Variants in ZMAT4 observed in about 807,000 individuals in gnomAD.
The protein encoded by ZMAT4 is zinc finger matrin-type 4.
A neutral mutation model predicts 28.7 loss-of-function variants in ZMAT4; 17 were observed. The ratio of observed to expected loss-of-function variants is 0.59; its 90% CI spans 0.41 to 0.89. The LOEUF is 0.89. Among genes scored for constraint, ZMAT4 ranks in the 40% least tolerant of loss-of-function variants. The pLI is 0.00. For synonymous variants in ZMAT4, 117 were observed against 109.2 expected, an observed-to-expected ratio of 1.07 and a Z score of -0.44; for missense variants, 240 against 283.8, an observed-to-expected ratio of 0.85 and a Z score of 1.11.
At chr8:40,610,514 A>T (rs1157733) in intron 5 of ZMAT4, among the ~76,000 whole-genome samples, 115,281 of 152,036 alleles carry the variant, frequency 0.76, 43,972 homozygotes, top group East Asian at 0.97. Flanking sequence ...ATATATATAT[A>T]TTTTCATTTC....
intron 1 of ZMAT4, among the ~76,000 whole-genome samples, chr8:40,827,781 C>T (rs931386513): frequency 4.6e-5 from 7 of 152,196 alleles, no homozygotes; most frequent in Non-Finnish European, 8.8e-5. Flanking sequence ...GCTGTGCCTG[C>T]AGGTTCACCT....
intron 2 of ZMAT4, among the ~76,000 whole-genome samples, chr8:40,801,346 A>AT: frequency 2.7e-5 from 2 of 75,212 alleles, no homozygotes; most frequent in African/African-American, 9.3e-5. Context: ...TTCTTTAAAA[A>AT]AAAAAATATA....
intron 2 of ZMAT4, among the ~76,000 whole-genome samples, chr8:40,800,897 G>T (rs1814802994): frequency 6.6e-6 from 1 of 151,856 alleles, no homozygotes; most frequent in South Asian, 2.1e-4. Flanking sequence ...AATAAAATTA[G>T]AAACAGAAAA....
chr8:40,660,640 A>G (rs1446170188), intron 5 of ZMAT4, among the ~76,000 whole-genome samples: 2 of 152,208 alleles, frequency 1.3e-5, no homozygotes, highest in Non-Finnish European at 2.9e-5. Flanking sequence ...GGTCCTGGGT[A>G]TAGAGTCATA....
chr8:40,683,431 A>G (rs750362504), intron 4 of ZMAT4, among the ~76,000 whole-genome samples: 2 of 152,244 alleles, frequency 1.3e-5, no homozygotes, highest in Non-Finnish European at 2.9e-5. Context: ...TGATGACACA[A>G]TGAACTAAGT....
At chr8:40,727,534 CT>C (rs2150523298) in intron 3 of ZMAT4, among the ~76,000 whole-genome samples, 1 of 152,198 alleles carries the variant, frequency 6.6e-6, no homozygotes, top group African/African-American at 2.4e-5. Context: ...TGAGTGGATA[CT>C]TGAACAAAAT....
chr8:40,572,672 G>A (rs1310407899), intron 6 of ZMAT4, among the ~76,000 whole-genome samples: 2 of 152,112 alleles, frequency 1.3e-5, no homozygotes, highest in Non-Finnish European at 2.9e-5. Flanking sequence ...TCCCCTGGAA[G>A]CTCTGAAAAG....
chr8:40,569,880 T>A (rs1441861876), intron 6 of ZMAT4, among the ~76,000 whole-genome samples: 1 of 152,156 alleles, frequency 6.6e-6, no homozygotes, highest in Non-Finnish European at 1.5e-5. Flanking sequence ...GACAACCTTC[T>A]GCCAGCTGGA....
At chr8:40,557,713 A>G (rs958196835) in intron 6 of ZMAT4, among the ~76,000 whole-genome samples, 4 of 152,110 alleles carry the variant, frequency 2.6e-5, no homozygotes, top group Admixed American at 1.3e-4. Context: ...TCCCAACATT[A>G]GAGTGCAGTG....
intron 3 of ZMAT4, among the ~76,000 whole-genome samples, chr8:40,759,305 GA>G (rs1812831973): frequency 7.1e-6 from 1 of 140,740 alleles, no homozygotes; most frequent in Non-Finnish European, 1.5e-5. Flanking sequence ...AAAAAAAAGG[GA>G]AAAGCCAGTC....
At chr8:40,641,122 A>C (rs931947454) in intron 5 of ZMAT4, among the ~76,000 whole-genome samples, 1 of 152,188 alleles carries the variant, frequency 6.6e-6, no homozygotes, top group African/African-American at 2.4e-5. Flanking sequence ...AATCACAGTA[A>C]GAATTATTTT....
intron 6 of ZMAT4, among the ~76,000 whole-genome samples, chr8:40,544,345 G>A (rs1259611483): frequency 1.3e-5 from 2 of 152,162 alleles, no homozygotes; most frequent in African/African-American, 4.8e-5. Context: ...GTACTTTCAG[G>A]AAAACATGGT....
At chr8:40,827,689 T>C (rs376484202) in intron 1 of ZMAT4, among the ~76,000 whole-genome samples, 2 of 152,210 alleles carry the variant, frequency 1.3e-5, no homozygotes, top group Non-Finnish European at 2.9e-5. Context: ...GGTACCACTG[T>C]GTCTCATGGT....
rs76614116 is a variant in ZMAT4 at position 40,623,750 on chromosome 8, C to T, written c.578-42489G>A. ...AAAGTTATCCTAGAAACCACAGGGC[C>T]CCTGAAAGGCTACATAAGCCTAAGA... On this transcript the variant is annotated intron_variant, in intron 5 of 6. Transcript: ENST00000297737. Among the ~76,000 whole-genome samples, 1,269 of 152,254 alleles carry T rather than the reference C, an allele frequency of 8.3e-3. 16 individuals are homozygous for T. Among genetic ancestry groups the T allele is most frequent in the African/African-American group, 0.029 (1,203 of 41,538 alleles).
At chr8:40,661,882 T>C (rs576746591) in intron 5 of ZMAT4, among the ~76,000 whole-genome samples, 1 of 152,346 alleles carries the variant, frequency 6.6e-6, no homozygotes, top group Admixed American at 6.5e-5. Context: ...CTTAGAGCAC[T>C]GAGGAGAAAA....
intron 2 of ZMAT4, among the ~76,000 whole-genome samples, chr8:40,825,063 G>C (rs1263814368): frequency 6.6e-6 from 1 of 152,182 alleles, no homozygotes; most frequent in Non-Finnish European, 1.5e-5. Flanking sequence ...TCTGCAGAAG[G>C]CATCTTGATT....
At chr8:40,871,508 T>C (rs922363657) in intron 1 of ZMAT4, among the ~76,000 whole-genome samples, 9 of 152,104 alleles carry the variant, frequency 5.9e-5, no homozygotes, top group South Asian at 4.1e-4. Flanking sequence ...AAAGTTGCAA[T>C]ATACAAGGAA....
intron 4 of ZMAT4, among the ~76,000 whole-genome samples, chr8:40,676,703 C>A (rs1450417082): frequency 6.6e-6 from 1 of 152,016 alleles, no homozygotes. Context: ...CCAGAGATTT[C>A]ATTATATCGA....
chr8:40,887,511 T>C (rs1421951777), intron 1 of ZMAT4, among the ~76,000 whole-genome samples: 1 of 150,788 alleles, frequency 6.6e-6, no homozygotes, highest in Non-Finnish European at 1.5e-5. Context: ...AAAAAGTATG[T>C]TTTCTGATTT....
Sources: allele counts gnomAD v4.1 joint callset (sites outside exome capture counted in the v4.1 genomes callset), GRCh38; gene constraint gnomAD v4.1.1; transcripts MANE v1.5; gene names NCBI Gene and HGNC (gene_info 2026-07-23, HGNC 2026-07-21).